The following BICD1 variants were observed in gnomAD, a reference collection of about 807,000 sequenced individuals.
BICD1 encodes BICD cargo adaptor 1, also known as protein bicaudal D homolog 1.
A neutral mutation model predicts 92.5 loss-of-function variants in BICD1; 35 were observed. The ratio of observed to expected loss-of-function variants is 0.38; its 90% CI spans 0.29 to 0.50. The LOEUF (loss-of-function observed/expected upper bound fraction) is 0.50, where lower values mean the gene tolerates loss of function less well. Ranked by LOEUF, BICD1 falls within the 20% of genes least tolerant of loss-of-function variation. BICD1 has a pLI of 0.93. For missense variants in BICD1, 950 were observed against 1,189.8 expected (o/e 0.80, Z 2.97); for synonymous variants, 429 against 465.1 (o/e 0.92, Z 1.00).
chr12:32,279,863 G>C (rs963715379), intron 2 of BICD1, among the ~76,000 whole-genome samples: 2 of 152,238 alleles, frequency 1.3e-5, no homozygotes, highest in Non-Finnish European at 1.5e-5. Flanking sequence ...ACTTTGGGAG[G>C]CTGAGGCGGG....
At chr12:32,202,182 G>T (rs982510131) in intron 1 of BICD1, among the ~76,000 whole-genome samples, 3 of 152,318 alleles carry the variant, frequency 2.0e-5, no homozygotes, top group Non-Finnish European at 4.4e-5. Context: ...ATGGACAGCT[G>T]CCAGCCTGGG....
chr12:32,171,715 C>T (rs1229616651), intron 1 of BICD1, among the ~76,000 whole-genome samples: 1 of 152,154 alleles, frequency 6.6e-6, no homozygotes, highest in Admixed American at 6.5e-5. Context: ...GGATGGATCA[C>T]TCTAGGTCAG....
chr12:32,115,004 T>C (rs969099520), intron 1 of BICD1, among the ~76,000 whole-genome samples: 11 of 152,140 alleles, frequency 7.2e-5, no homozygotes, highest in Non-Finnish European at 1.5e-4. Context: ...TTTAAGTGGG[T>C]TTTTTTCCTC....
At chr12:32,322,904 C>T (rs889773489) in intron 4 of BICD1, among the ~76,000 whole-genome samples, 2 of 152,044 alleles carry the variant, frequency 1.3e-5, no homozygotes, top group Non-Finnish European at 2.9e-5. Context: ...TTTTGAAGGG[C>T]GTTTTGGAAA....
At chr12:32,311,362 G>T (rs138745324) in intron 4 of BICD1, among the ~76,000 whole-genome samples, 4 of 152,150 alleles carry the variant, frequency 2.6e-5, no homozygotes, top group Non-Finnish European at 5.9e-5. Context: ...AGCTGGGCAT[G>T]GTGATGCATG....
chr12:32,263,927 AT>A (rs1313230587), intron 2 of BICD1, among the ~76,000 whole-genome samples: 3 of 152,156 alleles, frequency 2.0e-5, no homozygotes, highest in Admixed American at 6.5e-5. Context: ...TCATTAAAAA[AT>A]TCTTTAAAAT....
intron 2 of BICD1, among the ~76,000 whole-genome samples, chr12:32,263,503 G>A (rs1289622157): frequency 2.7e-5 from 4 of 150,002 alleles, no homozygotes; most frequent in Non-Finnish European, 3.0e-5. Context: ...CCAAGATCAC[G>A]CCACTGCACT....
chr12:32,296,917 T>G (rs1188484682), intron 3 of BICD1, among the ~76,000 whole-genome samples: 1 of 152,186 alleles, frequency 6.6e-6, no homozygotes, highest in Non-Finnish European at 1.5e-5. Context: ...AATTGAAACA[T>G]GGAATCCAAT....
At chr12:32,183,355 C>T (rs1034964236) in intron 1 of BICD1, among the ~76,000 whole-genome samples, 6 of 151,400 alleles carry the variant, frequency 4.0e-5, no homozygotes, top group Admixed American at 2.6e-4. Flanking sequence ...TCATTGCAAC[C>T]GCTGGTTCAA....
intron 1 of BICD1, among the ~76,000 whole-genome samples, chr12:32,137,567 A>G (rs937553343): frequency 1.3e-5 from 2 of 152,196 alleles, no homozygotes; most frequent in African/African-American, 4.8e-5. Context: ...ACTTGACCTT[A>G]TCTTCTGACA....
chr12:32,185,185 G>C (rs1416228853), intron 1 of BICD1, among the ~76,000 whole-genome samples: 1 of 152,116 alleles, frequency 6.6e-6, no homozygotes, highest in African/African-American at 2.4e-5. Context: ...CTAAAGGAAA[G>C]GTTGTACCTA....
At chr12:32,374,178 C>T (rs1043175304) in intron 9 of BICD1, among the ~76,000 whole-genome samples, 9 of 150,306 alleles carry the variant, frequency 6.0e-5, no homozygotes, top group African/African-American at 2.2e-4. Flanking sequence ...CGTGCCACTG[C>T]ACTCCAGCCT....
At chr12:32,363,079 A>C (rs958332768) in intron 8 of BICD1, among the ~76,000 whole-genome samples, 1 of 152,156 alleles carries the variant, frequency 6.6e-6, no homozygotes, top group South Asian at 2.1e-4. Context: ...AGATTACATC[A>C]TGTTGATTCA....
At chr12:32,251,947 G>GC (rs1160289914) in intron 2 of BICD1, among the ~76,000 whole-genome samples, 2 of 114,560 alleles carry the variant, frequency 1.7e-5, no homozygotes, top group Non-Finnish European at 3.6e-5. Context: ...TCGGGAGTTT[G>GC]TTTTTTTTAC....
chr12:32,331,451 C>T (rs1592685774), intron 5 of BICD1, among the ~76,000 whole-genome samples: 1 of 152,142 alleles, frequency 6.6e-6, no homozygotes, highest in Admixed American at 6.5e-5. Context: ...ATCCCTTTTC[C>T]GAAATGTTTT....
At chr12:32,329,317 G>A (rs182010) in intron 5 of BICD1, among the ~76,000 whole-genome samples, 74,754 of 151,706 alleles carry the variant, frequency 0.49, 18,810 homozygotes, top group Middle Eastern at 0.54. Context: ...GGCTGGTCTC[G>A]AACTCCTGAC....
intron 4 of BICD1, among the ~76,000 whole-genome samples, chr12:32,320,727 T>A (rs1004431689): frequency 6.6e-6 from 1 of 152,012 alleles, no homozygotes; most frequent in Non-Finnish European, 1.5e-5. Flanking sequence ...ACAATGACAA[T>A]AGTAAACATA....
At chr12:32,231,711 G>A (rs1188513853) in intron 2 of BICD1, among the ~76,000 whole-genome samples, 2 of 151,476 alleles carry the variant, frequency 1.3e-5, no homozygotes, top group Non-Finnish European at 1.5e-5. Context: ...CTAGCATTAG[G>A]TATATCCCCC....
intron 1 of BICD1, among the ~76,000 whole-genome samples, chr12:32,138,193 C>T (rs1942796549): frequency 6.6e-6 from 1 of 152,210 alleles, no homozygotes; most frequent in Non-Finnish European, 1.5e-5. Context: ...TAGCATATGC[C>T]TCATTAGCCT....
Sources: allele counts gnomAD v4.1 joint callset (sites outside exome capture counted in the v4.1 genomes callset), GRCh38; gene constraint gnomAD v4.1.1; transcripts MANE v1.5; gene names NCBI Gene and HGNC (gene_info 2026-07-23, HGNC 2026-07-21).